MBP: variants seen among roughly 807,000 people sequenced by gnomAD.
MBP encodes myelin basic protein.
A neutral mutation model predicts 35.8 loss-of-function variants in MBP; 16 were observed. The observed-to-expected ratio is 0.45, with a 90% CI of 0.30 to 0.68. MBP has a LOEUF of 0.68. Ranked by LOEUF, MBP falls within the 30% of genes least tolerant of loss-of-function variation. The pLI, the probability that MBP is intolerant of heterozygous loss-of-function variation, is 0.08. For missense variants in MBP, 380 were observed against 404.7 expected (o/e 0.94, Z 0.52); for synonymous variants, 143 against 159.6 (o/e 0.90, Z 0.78).
chr18:77,088,385 C>T (rs1423819889), intron 2 of MBP, among the ~76,000 whole-genome samples: 2 of 152,146 alleles, frequency 1.3e-5, no homozygotes, highest in Non-Finnish European at 1.5e-5. Context: ...CCCAAAGACC[C>T]ACCTCTTAAC....
At chr18:77,123,167 A>G (rs1976941472) in intron 1 of MBP, among the ~76,000 whole-genome samples, 1 of 152,238 alleles carries the variant, frequency 6.6e-6, no homozygotes, top group Non-Finnish European at 1.5e-5. Flanking sequence ...TGAGGAGCCT[A>G]CAACATAGTT....
chr18:77,014,089 T>C (rs1971494601), intron 4 of MBP: 2 of 985,468 alleles, frequency 2.0e-6, no homozygotes, highest in South Asian at 4.7e-5. Flanking sequence ...CAACAGTCCT[T>C]TCTTTCCTCT....
chr18:77,075,509 G>A (rs901489714), intron 2 of MBP, among the ~76,000 whole-genome samples: 4 of 152,210 alleles, frequency 2.6e-5, no homozygotes, highest in Non-Finnish European at 4.4e-5. Flanking sequence ...GTGGAGTGGC[G>A]CTGAAGCTCC....
intron 7 of MBP, 62 bp from the exon 8 acceptor site, chr18:76,984,956 A>C: frequency 6.3e-7 from 1 of 1,598,522 alleles, no homozygotes; most frequent in Non-Finnish European, 8.5e-7. Flanking sequence ...TGCTTGAGCC[A>C]CTGGGAGCTG....
chr18:77,078,535 T>C (rs1401422345), intron 2 of MBP, among the ~76,000 whole-genome samples: 3 of 152,226 alleles, frequency 2.0e-5, no homozygotes, highest in African/African-American at 7.2e-5. Flanking sequence ...ATAAAGTTGT[T>C]TACTGCTCTC....
intron 7 of MBP, chr18:76,985,894 C>T (rs1449966720): frequency 5.1e-6 from 5 of 986,614 alleles, no homozygotes; most frequent in Non-Finnish European, 6.0e-6. Context: ...CTGGCCTCAT[C>T]AGCCCCAGCA....
rs138157660 is a variant in MBP, at chr18:77,002,063, A to G, written c.577-12003T>C. ...GTGCCAGTTTTGGGGAAGTGGGTCA[A>G]ATAACTGAGTGTTGATAACATCTGC... On this transcript the variant is annotated intron_variant, in intron 4 of 8. Coordinates refer to ENST00000355994, the MANE Select transcript of MBP (RefSeq NM_001025101.2). 2.1e-3 allele frequency among the ~76,000 whole-genome samples: 322 copies of G among 152,292 alleles called. 1 individual carries two copies. Among genetic ancestry groups the G allele is most frequent in the African/African-American group, 6.8e-3 (281 of 41,558 alleles).
At position 77,093,696 on chromosome 18, in the gene MBP, T is replaced by C. The variant is rs367802276; in HGVS notation, c.51+11515A>G. Among the ~76,000 whole-genome samples, 90 of 152,292 alleles carry C rather than the reference T, an allele frequency of 5.9e-4. 2 individuals carry two copies. The South Asian group carries it at 0.018, about 30-fold the overall frequency. On this transcript the variant is annotated intron_variant, in intron 2 of 8. Coordinates refer to ENST00000355994, the MANE Select transcript of MBP (RefSeq NM_001025101.2). ...GCTATCAAGGGTGAACCTCGTAAGA[T>C]TGTTCTCTGATATCACTAAGAAATT...
At chr18:77,047,137 G>T (rs1973291204) in intron 3 of MBP, among the ~76,000 whole-genome samples, 1 of 152,262 alleles carries the variant, frequency 6.6e-6, no homozygotes, top group South Asian at 2.1e-4. Context: ...ACGGCTGGGT[G>T]CCTGCCCAAG....
Position 77,020,381 on chromosome 18 carries a change from G to C in MBP, c.140-3113C>G, listed in dbSNP as rs556786611. Among the ~76,000 whole-genome samples, 3 of 152,160 alleles carry C rather than the reference G, an allele frequency of 2.0e-5. No individual in the cohort carries two copies. Among genetic ancestry groups the C allele is most frequent in the African/African-American group, 7.2e-5 (3 of 41,432 alleles). On this transcript the variant is annotated intron_variant, in intron 3 of 8. Transcript: ENST00000355994. The surrounding 1 kb of genome is among the most constrained non-coding windows in gnomAD (Gnocchi z 4.1). ...CAGTGGACAGATATTCTTCTACGTCGGTTTCCACAAAGGACCTCTTTCAGT... is the reference window on the plus strand; with the variant it reads ...CAGTGGACAGATATTCTTCTACGTCCGTTTCCACAAAGGACCTCTTTCAGT...
At chr18:77,051,004 G>A (rs1233990126) in intron 3 of MBP, among the ~76,000 whole-genome samples, 1 of 151,980 alleles carries the variant, frequency 6.6e-6, no homozygotes, top group African/African-American at 2.4e-5. Context: ...TATTAATGAA[G>A]ACCCCAGGAA....
At chr18:76,986,415 A>G (rs1046377095) in intron 7 of MBP, 1 of 985,516 alleles carries the variant, frequency 1.0e-6, no homozygotes, top group South Asian at 4.7e-5. Flanking sequence ...AGAGGCCTCA[A>G]GGCTTCCAGA....
At chr18:77,002,584 CG>C in intron 4 of MBP, among the ~76,000 whole-genome samples, 1 of 152,332 alleles carries the variant, frequency 6.6e-6, no homozygotes, top group African/African-American at 2.4e-5. Flanking sequence ...GAGGTGTGAT[CG>C]TAAACCAAAA....
At chr18:77,024,657 C>T (rs1033991570) in intron 3 of MBP, among the ~76,000 whole-genome samples, 1 of 152,200 alleles carries the variant, frequency 6.6e-6, no homozygotes, top group Admixed American at 6.5e-5. Context: ...GACGGAGAAT[C>T]GGCCGTCGTG....
chr18:77,028,851 TGTGATGGCGGCCGGGC>T (rs1972386400), intron 3 of MBP, among the ~76,000 whole-genome samples: 3 of 66,774 alleles, frequency 4.5e-5, no homozygotes, highest in African/African-American at 1.2e-4. Flanking sequence ...ACTTCCCAGA[TGTGATGGCGGCCGGGC>T]AGAGGCGCTC....
chr18:77,024,963 C>T (rs1055438985), intron 3 of MBP, among the ~76,000 whole-genome samples: 3 of 152,192 alleles, frequency 2.0e-5, no homozygotes, highest in Non-Finnish European at 4.4e-5. Context: ...CCACAGCACC[C>T]GCAGAGAGTG....
rs547816025 is a variant in MBP at position 77,029,915 on chromosome 18, C to T, written c.140-12647G>A. Among the ~76,000 whole-genome samples the T allele has an allele frequency of 9.2e-5, 14 of 152,222 alleles. No individual in the cohort carries two copies. The South Asian group carries it at 2.1e-3, about 23-fold the overall frequency. The stretch of plus-strand genomic sequence containing the variant: ...TCAAAAATCCAGGTTTCCAGCTTAC[C>T]GTCCACAGATATCCTTCTTGTAGGT... On this transcript the variant is annotated intron_variant, in intron 3 of 8. Coordinates refer to ENST00000355994, the MANE Select transcript of MBP (RefSeq NM_001025101.2).
At chr18:77,124,578 G>T (rs1282710359) in intron 1 of MBP, among the ~76,000 whole-genome samples, 1 of 152,210 alleles carries the variant, frequency 6.6e-6, no homozygotes, top group Admixed American at 6.5e-5. Flanking sequence ...CTGGGTGCCT[G>T]TCTCAGGTGA....
chr18:77,111,698 C>T (rs1208699585), intron 1 of MBP, among the ~76,000 whole-genome samples: 2 of 152,220 alleles, frequency 1.3e-5, no homozygotes, highest in Non-Finnish European at 2.9e-5. Flanking sequence ...TGGGAGACCA[C>T]GCCCTGGCTT....
Sources: gnomAD v4.1 joint callset for allele counts (sites outside exome capture counted in the v4.1 genomes callset) on GRCh38, gnomAD v4.1.1 for gene constraint, Gnocchi (gnomAD v3.1) non-coding constraint, MANE v1.5 for transcripts, NCBI Gene and HGNC (gene_info 2026-07-23, HGNC 2026-07-21) for gene names.